The following BAIAP3 variants were observed in gnomAD, a reference collection of about 807,000 sequenced individuals.
BAIAP3 encodes BAI1 associated protein 3.
In BAIAP3, 180 loss-of-function variants were observed where a neutral mutation model predicts 149.7. The ratio of observed to expected loss-of-function variants is 1.20; its 90% CI spans 1.07 to 1.36. The LOEUF is 1.36. BAIAP3 is among the 40% of genes most tolerant of loss of function. The probability of loss-of-function intolerance (pLI) is 0.00; values close to 1 mark genes in which losing one functional copy is unlikely to be tolerated. For missense variants in BAIAP3, 1,767 were observed against 1,563.4 expected, an observed-to-expected ratio of 1.13 and a Z score of -2.20; for synonymous variants, 845 against 670.7, an observed-to-expected ratio of 1.26 and a Z score of -4.02.
intron 5 of BAIAP3, 92 bp from the exon 6 acceptor site, chr16:1,340,830 G>A: frequency 7.3e-7 from 1 of 1,368,606 alleles, no homozygotes; most frequent in Non-Finnish European, 1.0e-6. Flanking sequence ...GAGGTTGGGT[G>A]TCTGTGACGG....
chr16:1,337,066 C>T (rs2033503375), intron 1 of BAIAP3, among the ~76,000 whole-genome samples: 2 of 152,102 alleles, frequency 1.3e-5, no homozygotes, highest in South Asian at 4.1e-4. Flanking sequence ...AGGAGACCTC[C>T]CTGGGGCTGC....
At position 1,342,801 on chromosome 16, in the gene BAIAP3, A is replaced by G; in HGVS notation, c.1148A>G (p.His383Arg). The change falls in exon 13 of 34, where the codon CAC becomes CGC. Residue 383 changes from histidine to arginine, a missense_variant. Physicochemically the swap from His to Arg is conservative, Grantham distance 29. Coordinates refer to ENST00000426824, the MANE Select transcript of BAIAP3 (RefSeq NM_001199097.2). ...CTCAGCCATCTGCTGCGGTTGGAGCACTCAGCAGAGGAGGTAGTGGGTGCG... is the reference window on the plus strand; with the variant it reads ...CTCAGCCATCTGCTGCGGTTGGAGCGCTCAGCAGAGGAGGTAGTGGGTGCG... ...LLLSHLLRLE[H>R]SAEEPNSSSW... 1 of 1,612,650 alleles carries G rather than the reference A, an allele frequency of 6.2e-7. No individual in the cohort carries two copies. The highest frequency in any genetic ancestry group is 1.1e-5 in the South Asian group (1 of 91,076).
intron 1 of BAIAP3, among the ~76,000 whole-genome samples, chr16:1,334,344 C>T (rs905502902): frequency 1.3e-5 from 2 of 152,090 alleles, no homozygotes; most frequent in African/African-American, 2.4e-5. Context: ...ACTAGACCCG[C>T]CCCCAGACTC....
intron 8 of BAIAP3, 46 bp from the exon 9 acceptor site, chr16:1,341,776 A>G (rs1187947694): frequency 1.3e-6 from 2 of 1,594,184 alleles, no homozygotes; most frequent in East Asian, 2.2e-5. Context: ...CGGCCTGGGC[A>G]GAGCCTCGCC....
At chr16:1,336,236 C>G in intron 1 of BAIAP3, 1 of 985,418 alleles carries the variant, frequency 1.0e-6, no homozygotes, top group Non-Finnish European at 1.2e-6. Flanking sequence ...GCCTCTTCCA[C>G]CCAGCAAGGG....
chr16:1,341,690 G>A, intron 8 of BAIAP3, 132 bp from the exon 9 acceptor site: 2 of 1,214,046 alleles, frequency 1.6e-6, no homozygotes, highest in Middle Eastern at 2.8e-4. Flanking sequence ...GCGGGATCAG[G>A]ATTTGGACCT....
In BAIAP3 at chr16:1,346,279, G is replaced by A. The variant is rs115506604; in HGVS notation, c.2411G>A (p.Arg804His). ...ACGGGGCCCGAGGGGGTGCTCCCCCGCCCTCTGCTCAGCTGCACACAGGCC... is the reference window on the plus strand; with the variant it reads ...ACGGGGCCCGAGGGGGTGCTCCCCCACCCTCTGCTCAGCTGCACACAGGCC... ...GATGPEGVLP[R>H]PLLSCTQALD... is the part of the protein sequence containing the mutation. Residue 804 changes from arginine (R) to histidine (H), a missense_variant, in exon 25 of 34, where the codon CGC (arginine) becomes CAC (histidine). Transcript: ENST00000426824. 4.5e-4 allele frequency: 718 copies of A among 1,608,588 alleles called. 7 individuals carry two copies. In the East Asian group the frequency reaches 0.012, roughly 26 times the overall value.
chr16:1,338,361 G>C (rs2141567240), intron 1 of BAIAP3, among the ~76,000 whole-genome samples, 179 bp from the exon 2 acceptor site: 1 of 152,258 alleles, frequency 6.6e-6, no homozygotes, highest in East Asian at 1.9e-4. Context: ...TCACCCAGCA[G>C]GTGTGGGGAC....
rs775509338 is a variant in BAIAP3 at position 1,338,652 on chromosome 16, G to A, written c.103G>A (p.Asp35Asn). The A allele has an allele frequency of 2.6e-5, 41 of 1,589,836 alleles. No homozygotes were observed. In the East Asian group the frequency reaches 4.3e-4, roughly 17 times the overall value. The change falls in exon 2 of 34, where the codon GAC becomes AAC. Residue 35 changes from aspartate to asparagine, a missense_variant. Physicochemically the swap from Asp to Asn is conservative, Grantham distance 23. Coordinates refer to ENST00000426824, the MANE Select transcript of BAIAP3 (RefSeq NM_001199097.2). ...TEQDPGSASA[D>N]PQEPATGAWK... is the part of the protein sequence containing the mutation. ...GCAGGACCCAGGGAGTGCCAGCGCC[G>A]ACCCGCAGGAGCCTGCCACGGGGGC... is the stretch of plus-strand genomic sequence containing the variant.
At position 1,338,561 on chromosome 16, in the gene BAIAP3, G is replaced by T. The variant is rs2033633526; in HGVS notation, c.12G>T (p.Leu4Phe). Residue 4 changes from leucine to phenylalanine, a missense_variant, in exon 2 of 34, where the codon TTG becomes TTT. Leu to Phe is a conservative substitution (Grantham distance 22, BLOSUM62 0). Transcript: ENST00000426824. ...GTAGGTCACCCGCCATGTCGACCTT[G>T]CTGGACATTAAGAGCAGCGTGCTCA... The part of the protein sequence containing the change: MST[L>F]LDIKSSVLRQ... 1 of 1,608,056 alleles carries T rather than the reference G, an allele frequency of 6.2e-7. No individual in the cohort carries two copies. The highest frequency in any genetic ancestry group is 8.5e-7 in the Non-Finnish European group (1 of 1,178,824).
chr16:1,342,417 TC>T (rs1287253693), intron 11 of BAIAP3, 109 bp from the exon 12 acceptor site: 10 of 1,369,018 alleles, frequency 7.3e-6, no homozygotes, highest in Non-Finnish European at 1.0e-5. Context: ...TCACCCTCAT[TC>T]CCCGGAGAAG....
intron 5 of BAIAP3, among the ~76,000 whole-genome samples, chr16:1,340,187 A>C (rs111164745): frequency 1.1e-5 from 1 of 91,470 alleles, no homozygotes; most frequent in Non-Finnish European, 2.1e-5. Flanking sequence ...AGGTGCACAC[A>C]GACACACGCA....
At chr16:1,347,653 G>T in intron 30 of BAIAP3, 28 bp downstream of exon 30, 1 of 1,612,902 alleles carries the variant, frequency 6.2e-7, no homozygotes, top group Non-Finnish European at 8.5e-7. Context: ...ACAGGGTGCT[G>T]CCTCCGAGGC....
intron 1 of BAIAP3, among the ~76,000 whole-genome samples, chr16:1,337,840 G>A (rs2033572922): frequency 6.6e-6 from 1 of 152,188 alleles, no homozygotes; most frequent in South Asian, 2.1e-4. Context: ...ACCAACTATG[G>A]GGAGCAGGCC....
Position 1,340,444 on chromosome 16 carries a change from C to A in BAIAP3, c.409-478C>A, listed in dbSNP as rs1025338100. ...CTGCAGGTGTACACAGACATGCACA[C>A]AGGTTGCAGGTGCACACAGATGCAC... On this transcript the variant is annotated intron_variant, in intron 5 of 33. Transcript: ENST00000426824. Among the ~76,000 whole-genome samples, 13 of 103,242 alleles carry A rather than the reference C, an allele frequency of 1.3e-4. 3 individuals are homozygous for A. Among genetic ancestry groups the A allele is most frequent in the Non-Finnish European group, 1.9e-4 (8 of 41,788 alleles). The allele number at this position is 103,242 out of a possible 152,430, so 67.7% of individuals were successfully genotyped here. A position where few individuals can be genotyped will look rare whatever the true frequency, so the allele number is the denominator to read the frequency against.
chr16:1,347,661 G>A (rs754291972), intron 30 of BAIAP3, 36 bp downstream of exon 30: 12 of 1,612,716 alleles, frequency 7.4e-6, no homozygotes, highest in African/African-American at 1.3e-5. Flanking sequence ...CTGCCTCCGA[G>A]GCTCCCAGAG....
In BAIAP3 at chr16:1,343,427, T is replaced by C. The variant is rs780483722; in HGVS notation, c.1300T>C (p.Cys434Arg). The change falls in exon 15 of 34, where the codon TGC becomes CGC. Residue 434 changes from cysteine to arginine, a missense_variant. Cys to Arg is a radical substitution (Grantham distance 180). Transcript: ENST00000426824. ...GGTCAGCAGCCGCCACCATCAAACC[T>C]GCACGCTGGACTACAGCTACCTGCT... ...WQVSSRHHQT[C>R]TLDYSYLLGL... 4.4e-6 allele frequency: 7 copies of C among 1,577,522 alleles called. 1 individual carries two copies. The South Asian group carries it at 6.9e-5, about 16-fold the overall frequency.
chr16:1,342,389 C>T (rs2033985696), intron 11 of BAIAP3, 106 bp downstream of exon 11: 4 of 1,401,366 alleles, frequency 2.9e-6, no homozygotes, highest in East Asian at 2.5e-5. Context: ...GCTTTTGGGC[C>T]TCCACTGAGT....
chr16:1,342,567 A>G lies in BAIAP3; in HGVS notation c.998A>G (p.Glu333Gly), dbSNP rs1484521734. 5 of 1,558,234 alleles carry G rather than the reference A, an allele frequency of 3.2e-6. No homozygotes were observed. ...GGCGTCGACCGCTGGTTCAAGCTGG[A>G]GCCACGCTCCAGTGCCTCGCGTGTG... ...VAGVDRWFKL[E>G]PRSSASRVQG... The change falls in exon 12 of 34, where the codon GAG (glutamate) becomes GGG (glycine). Residue 333 changes from glutamate (E) to glycine (G), a missense_variant. Transcript: ENST00000426824.
Sources: allele counts gnomAD v4.1 joint callset (sites outside exome capture counted in the v4.1 genomes callset), GRCh38; gene constraint gnomAD v4.1.1; transcripts MANE v1.5; gene names NCBI Gene and HGNC (gene_info 2026-07-23, HGNC 2026-07-21).